Variants in SLC7A1 observed in about 807,000 individuals in gnomAD.
SLC7A1 encodes the protein solute carrier family 7 member 1.
In SLC7A1, 10 loss-of-function variants were observed where a neutral mutation model predicts 53.9. The ratio of observed to expected loss-of-function variants is 0.19; its 90% CI spans 0.11 to 0.31. SLC7A1 has a LOEUF of 0.31. SLC7A1 is among the 10% of genes least tolerant of loss of function. The pLI is 1.00. For missense variants in SLC7A1, 525 were observed against 827.2 expected (o/e 0.63, Z 4.48); for synonymous variants, 342 against 338.7 (o/e 1.01, Z -0.11).
chr13:29,554,371 A>G (rs963079736), intron 1 of SLC7A1, among the ~76,000 whole-genome samples: 1 of 152,098 alleles, frequency 6.6e-6, no homozygotes, highest in Admixed American at 6.5e-5. Flanking sequence ...GGTACTATTA[A>G]CAGCTGCCAT....
At chr13:29,570,160 G>T (rs945646585) in intron 1 of SLC7A1, among the ~76,000 whole-genome samples, 4 of 152,176 alleles carry the variant, frequency 2.6e-5, no homozygotes, top group African/African-American at 9.7e-5. Flanking sequence ...GGCATTAAAC[G>T]AATGGCTGCT....
rs1869392997 is a variant in SLC7A1 at position 29,535,916 on chromosome 13, G to A, written c.273C>T (p.Val91=). Residue 91 remains valine (V), a synonymous_variant, in exon 3 of 13, where the codon GTC becomes GTT. Coordinates refer to ENST00000380752, the MANE Select transcript of SLC7A1 (RefSeq NM_003045.5). ...AGAGGTAAGCTGAGCCCGTCTTGGG[G>A]ACCCGAGCACCAAACTCGCCATAGC... ...GLCYGEFGAR[V]PKTGSAYLYS... The A allele has an allele frequency of 1.2e-6, 2 of 1,614,172 alleles. No homozygotes were observed. Among genetic ancestry groups the A allele is most frequent in the Non-Finnish European group, 1.7e-6 (2 of 1,180,042 alleles).
rs530606643 is a variant in SLC7A1, at chr13:29,555,806, G to A, written c.-114-1946C>T. Among the ~76,000 whole-genome samples the A allele has an allele frequency of 5.9e-5, 9 of 152,310 alleles. No individual in the cohort carries two copies. The South Asian group carries it at 1.9e-3, about 32-fold the overall frequency. ...CCAAGATGTGGACAGCTCCCTAAAAGTTGAATTTTCTGATGACACTGGGGG... is the reference window on the plus strand; with the variant it reads ...CCAAGATGTGGACAGCTCCCTAAAAATTGAATTTTCTGATGACACTGGGGG... On this transcript the variant is annotated intron_variant, in intron 1 of 12. Transcript: ENST00000380752.
At chr13:29,547,333 G>T (rs1261964364) in intron 2 of SLC7A1, among the ~76,000 whole-genome samples, 3 of 152,214 alleles carry the variant, frequency 2.0e-5, no homozygotes, top group Non-Finnish European at 4.4e-5. Flanking sequence ...CTTTATCTGG[G>T]ACTGAGGAAA....
At chr13:29,543,133 G>A (rs2139118191) in intron 2 of SLC7A1, among the ~76,000 whole-genome samples, 1 of 152,296 alleles carries the variant, frequency 6.6e-6, no homozygotes, top group Admixed American at 6.5e-5. Flanking sequence ...TGCGGGGGGT[G>A]CGAGGCTATG....
At position 29,575,661 on chromosome 13, in the gene SLC7A1, C is replaced by T. The variant is rs377066625; in HGVS notation, c.-115+19755G>A. Among the ~76,000 whole-genome samples, 24 of 152,284 alleles carry T rather than the reference C, an allele frequency of 1.6e-4. No individual in the cohort carries two copies. The East Asian group carries it at 3.7e-3, about 23-fold the overall frequency. On this transcript the variant is annotated intron_variant, in intron 1 of 12. Transcript: ENST00000380752. Reference sequence around the variant, plus strand: ...TTTTATGACACAGTTAACAGTGAGCCTAAAAGTAAGTTTACGTACAAACTA... The same window carrying T: ...TTTTATGACACAGTTAACAGTGAGCTTAAAAGTAAGTTTACGTACAAACTA...
At chr13:29,526,369 AACT>A (rs1035554734) in intron 5 of SLC7A1, among the ~76,000 whole-genome samples, 1 of 152,128 alleles carries the variant, frequency 6.6e-6, no homozygotes, top group Non-Finnish European at 1.5e-5. Flanking sequence ...CTACTTGGGA[AACT>A]GAGGCAAGAG....
At chr13:29,555,978 A>AC (rs1870421224) in intron 1 of SLC7A1, among the ~76,000 whole-genome samples, 1 of 152,228 alleles carries the variant, frequency 6.6e-6, no homozygotes, top group Admixed American at 6.5e-5. Flanking sequence ...CAAAGAGCTT[A>AC]CCGAGATGGC....
intron 2 of SLC7A1, among the ~76,000 whole-genome samples, chr13:29,547,561 C>T (rs1479201735): frequency 6.6e-6 from 1 of 152,118 alleles, no homozygotes; most frequent in Non-Finnish European, 1.5e-5. Context: ...AATTGTAGTG[C>T]AGGAAGAAGT....
chr13:29,514,212 T>C lies in SLC7A1; in HGVS notation c.*268A>G. On this transcript the variant is annotated 3_prime_UTR_variant, in exon 13 of 13. Transcript: ENST00000380752. ...GCTGAGCTGGTAGGGGAGGAACTGC[T>C]TTGTTCAGAGAAGTGAGGAGACACA... 1 of 496,454 alleles carries C rather than the reference T, an allele frequency of 2.0e-6. No homozygotes were observed. Among genetic ancestry groups the C allele is most frequent in the Non-Finnish European group, 3.6e-6 (1 of 274,402 alleles). The allele number at this position is 496,454 out of a possible 1,614,324, so 30.8% of individuals were successfully genotyped here.
At chr13:29,531,650 T>C (rs1026362046) in intron 4 of SLC7A1, among the ~76,000 whole-genome samples, 4 of 152,204 alleles carry the variant, frequency 2.6e-5, no homozygotes, top group African/African-American at 9.6e-5. Flanking sequence ...CTGGCCAATA[T>C]GGCAAAACCT....
chr13:29,571,427 G>A (rs1001444261), intron 1 of SLC7A1, among the ~76,000 whole-genome samples: 1 of 152,194 alleles, frequency 6.6e-6, no homozygotes, highest in East Asian at 1.9e-4. Flanking sequence ...AGGCTCTATA[G>A]CATCAACCAC....
At chr13:29,519,615 A>C in intron 8 of SLC7A1, 66 bp from the exon 9 acceptor site, 1 of 964,460 alleles carries the variant, frequency 1.0e-6, no homozygotes, top group Non-Finnish European at 1.6e-6. Flanking sequence ...CAGGACCACC[A>C]CTGCCGCCCA....
chr13:29,576,245 T>A (rs1871402622), intron 1 of SLC7A1, among the ~76,000 whole-genome samples: 1 of 137,028 alleles, frequency 7.3e-6, no homozygotes, highest in Non-Finnish European at 1.5e-5. Context: ...TGAGCTGTGA[T>A]CACGCCACTG....
chr13:29,519,353 A>T, intron 9 of SLC7A1, 94 bp downstream of exon 9: 2 of 731,990 alleles, frequency 2.7e-6, no homozygotes, highest in South Asian at 3.5e-5. Context: ...CCAACCTAAA[A>T]GTTTCATTCA....
intron 2 of SLC7A1, among the ~76,000 whole-genome samples, chr13:29,540,813 G>T (rs980931046): frequency 1.3e-5 from 2 of 152,240 alleles, no homozygotes; most frequent in African/African-American, 4.8e-5. Context: ...CCTCGCAGGA[G>T]AAAGACTGTG....
At chr13:29,541,786 G>A (rs1869678313) in intron 2 of SLC7A1, among the ~76,000 whole-genome samples, 2 of 152,128 alleles carry the variant, frequency 1.3e-5, no homozygotes, top group South Asian at 2.1e-4. Flanking sequence ...GAAAAATTAT[G>A]AATAACTTGT....
chr13:29,517,560 G>A lies in SLC7A1; in HGVS notation c.1510+13C>T. ...GCCAACAAGCAAGGCCCCAGGGAAG[G>A]GCTAGCTCTTACCTATGAGGCTGGT... is the stretch of plus-strand genomic sequence containing the variant. On this transcript the variant is annotated intron_variant, in intron 10 of 12. Coordinates refer to ENST00000380752, the MANE Select transcript of SLC7A1 (RefSeq NM_003045.5). The A allele has an allele frequency of 1.9e-6, 3 of 1,592,318 alleles. No homozygotes were observed. The highest frequency in any genetic ancestry group is 1.3e-5 in the African/African-American group (1 of 74,642).
intron 2 of SLC7A1, among the ~76,000 whole-genome samples, chr13:29,547,118 T>C (rs564495888): frequency 2.0e-5 from 3 of 152,256 alleles, no homozygotes; most frequent in Non-Finnish European, 4.4e-5. Flanking sequence ...TGCTGCCTGA[T>C]AATTCTTACT....
Sources: gnomAD v4.1 joint callset for allele counts (sites outside exome capture counted in the v4.1 genomes callset) on GRCh38, gnomAD v4.1.1 for gene constraint, MANE v1.5 for transcripts, NCBI Gene and HGNC (gene_info 2026-07-23, HGNC 2026-07-21) for gene names.